TBC1D32: variants seen among roughly 807,000 people sequenced by gnomAD.
The protein encoded by TBC1D32 is TBC1 domain family member 32, also known as protein broad-minded.
In TBC1D32, 151 loss-of-function variants were observed where a neutral mutation model predicts 170.3. The observed-to-expected ratio is 0.89, with a 90% confidence interval of 0.78 to 1.01. The LOEUF is 1.01. Among genes scored for constraint, TBC1D32 ranks in the 50% least tolerant of loss-of-function variants. TBC1D32 has a pLI of 0.00. For synonymous variants in TBC1D32, 498 were observed against 488.0 expected (o/e 1.02, Z -0.27); for missense variants, 1,464 against 1,457.1 (o/e 1.00, Z -0.08).
chr6:121,115,687 A>G (rs1252784045), intron 26 of TBC1D32: 1 of 152,514 alleles, frequency 6.6e-6, no homozygotes, highest in Non-Finnish European at 1.5e-5. Context: ...GTATGAGGGT[A>G]GAATGAATGA....
At chr6:121,285,364 T>C (rs967872376) in intron 12 of TBC1D32, among the ~76,000 whole-genome samples, 3 of 152,148 alleles carry the variant, frequency 2.0e-5, no homozygotes, top group Non-Finnish European at 4.4e-5. Flanking sequence ...CAGAATACAT[T>C]TAATTATTTC....
chr6:121,272,789 G>A (rs1202843288), intron 15 of TBC1D32, among the ~76,000 whole-genome samples: 1 of 152,154 alleles, frequency 6.6e-6, no homozygotes, highest in African/African-American at 2.4e-5. Context: ...AAATCATGCT[G>A]CTGTAAAGAC....
intron 12 of TBC1D32, among the ~76,000 whole-genome samples, chr6:121,286,835 G>C (rs1457867997): frequency 2.0e-5 from 3 of 152,182 alleles, no homozygotes; most frequent in Non-Finnish European, 4.4e-5. Context: ...AGAAGAGAGT[G>C]GGGGCCAATA....
chr6:121,180,062 CTACAAAATTT>C (rs1372913954), intron 22 of TBC1D32, among the ~76,000 whole-genome samples: 9 of 152,034 alleles, frequency 5.9e-5, no homozygotes, highest in Non-Finnish European at 1.2e-4. Flanking sequence ...ACATAGAAAA[CTACAAAATTT>C]TAATGAGGGT....
intron 21 of TBC1D32, among the ~76,000 whole-genome samples, chr6:121,214,176 A>G (rs1167879601): frequency 4.6e-5 from 7 of 152,218 alleles, no homozygotes; most frequent in African/African-American, 1.7e-4. Flanking sequence ...CCAAAACTAT[A>G]AAAACCCTGA....
chr6:121,185,241 A>C (rs2128279045), intron 22 of TBC1D32, among the ~76,000 whole-genome samples: 1 of 152,166 alleles, frequency 6.6e-6, no homozygotes, highest in Middle Eastern at 3.4e-3. Context: ...CAACCTATAA[A>C]TCAGATTTAG....
At chr6:121,293,729 G>A (rs1323361715) in intron 11 of TBC1D32, among the ~76,000 whole-genome samples, 1 of 152,070 alleles carries the variant, frequency 6.6e-6, no homozygotes, top group Non-Finnish European at 1.5e-5. Context: ...GGCCAGCACA[G>A]TGAAACCCCA....
At chr6:121,217,930 T>C (rs1421206999) in intron 21 of TBC1D32, among the ~76,000 whole-genome samples, 1 of 152,210 alleles carries the variant, frequency 6.6e-6, no homozygotes, top group Non-Finnish European at 1.5e-5. Flanking sequence ...GTTCATTAAA[T>C]TGTGTGGCTA....
At chr6:121,188,780 A>G (rs1042564320) in intron 22 of TBC1D32, among the ~76,000 whole-genome samples, 1 of 152,120 alleles carries the variant, frequency 6.6e-6, no homozygotes, top group Non-Finnish European at 1.5e-5. Flanking sequence ...TTACTTCAAT[A>G]AAAATAAAAA....
Position 121,079,864 on chromosome 6 carries a change from T to C in TBC1D32, c.*907A>G, listed in dbSNP as rs536094515. On this transcript the variant is annotated 3_prime_UTR_variant, in exon 32 of 32. Coordinates refer to ENST00000398212, the MANE Select transcript of TBC1D32 (RefSeq NM_152730.6). ...ATGCTTATCAGTATGAAATAACCAA[T>C]CTATCTCTTCAATGAACCATGTAAA... 1 of 152,258 alleles carries C rather than the reference T, an allele frequency of 6.6e-6. No homozygotes were observed. Among genetic ancestry groups the C allele is most frequent in the East Asian group, 1.9e-4 (1 of 5,176 alleles). 9.4% of individuals were successfully genotyped at this position (152,258 alleles called of 1,614,324 possible).
rs1563208343 is a variant in TBC1D32, at chr6:121,279,246, C to T, written c.1609-1G>A. On this transcript the variant is annotated splice_acceptor_variant, in intron 14 of 31. Transcript: ENST00000398212. LOFTEE classifies it high-confidence loss of function. ...CTGTCTCAGAGCAATTTGGAGATGC[C>T]TGTACATTAAAAAGAAAACAAGACA... 1 of 1,599,620 alleles carries T rather than the reference C, an allele frequency of 6.3e-7. No homozygotes were observed. The highest frequency in any genetic ancestry group is 1.4e-5 in the African/African-American group (1 of 74,018).
At chr6:121,275,880 T>C (rs1288432451) in intron 15 of TBC1D32, among the ~76,000 whole-genome samples, 5 of 152,044 alleles carry the variant, frequency 3.3e-5, no homozygotes, top group African/African-American at 4.8e-5. Flanking sequence ...ATCCCAGCAC[T>C]TGGGGAAGCC....
intron 15 of TBC1D32, among the ~76,000 whole-genome samples, chr6:121,261,180 G>C (rs114707056): frequency 1.1e-3 from 162 of 152,278 alleles, no homozygotes; most frequent in African/African-American, 3.8e-3. Flanking sequence ...CAGTCTCTAT[G>C]GAACAGCAGA....
rs192969408 is a variant in TBC1D32, at chr6:121,276,441, T to A, written c.1733+2680A>T. On this transcript the variant is annotated intron_variant, in intron 15 of 31. Coordinates refer to ENST00000398212, the MANE Select transcript of TBC1D32 (RefSeq NM_152730.6). The stretch of plus-strand genomic sequence containing the variant: ...AAGAGTGACAAAAAAGTATAATTGA[T>A]ATACTAAGAGAGGAGATAAAATGAA... 1.4e-4 allele frequency among the ~76,000 whole-genome samples: 22 copies of A among 152,074 alleles called. No individual in the cohort carries two copies. The East Asian group carries it at 2.5e-3, about 17-fold the overall frequency.
At chr6:121,233,156 T>C (rs563881179) in intron 20 of TBC1D32, among the ~76,000 whole-genome samples, 35 of 152,256 alleles carry the variant, frequency 2.3e-4, no homozygotes, top group South Asian at 1.0e-3. Flanking sequence ...GGATGTTCTA[T>C]GTGTTGATGA....
chr6:121,131,590 T>C (rs765872964), intron 25 of TBC1D32, 37 bp downstream of exon 25: 3 of 1,579,664 alleles, frequency 1.9e-6, no homozygotes, highest in Non-Finnish European at 2.6e-6. Context: ...ATAATTTTCA[T>C]ACATAAGAAA....
intron 3 of TBC1D32, among the ~76,000 whole-genome samples, chr6:121,315,367 T>C (rs1400480515): frequency 8.5e-5 from 13 of 152,212 alleles, no homozygotes; most frequent in Admixed American, 8.5e-4. Flanking sequence ...TTGCAGAGAC[T>C]TGTTCCAGGT....
intron 4 of TBC1D32, among the ~76,000 whole-genome samples, chr6:121,310,577 C>T (rs565016529): frequency 9.9e-5 from 15 of 152,260 alleles, no homozygotes; most frequent in African/African-American, 2.9e-4. Context: ...TTCCAAACCA[C>T]GACAATTCTC....
intron 12 of TBC1D32, among the ~76,000 whole-genome samples, chr6:121,286,307 C>T (rs1465982628): frequency 6.6e-6 from 1 of 152,142 alleles, no homozygotes; most frequent in East Asian, 1.9e-4. Context: ...CCTGATGGAG[C>T]TGAAAACCAA....
Sources: allele counts gnomAD v4.1 joint callset (sites outside exome capture counted in the v4.1 genomes callset), GRCh38; gene constraint gnomAD v4.1.1; transcripts MANE v1.5; gene names NCBI Gene and HGNC (gene_info 2026-07-23, HGNC 2026-07-21).